MYOM3: variants seen among roughly 807,000 people sequenced by gnomAD.
The protein encoded by MYOM3 is myomesin 3.
MYOM3 carries 155 observed loss-of-function variants against 191.7 expected under a neutral mutation model. The observed-to-expected ratio is 0.81, with a 90% CI of 0.71 to 0.92. The LOEUF (loss-of-function observed/expected upper bound fraction) is 0.92. Ranked by LOEUF, MYOM3 falls within the 40% of genes least tolerant of loss-of-function variation. The pLI, the probability that MYOM3 is intolerant of heterozygous loss-of-function variation, is 0.00. For missense variants in MYOM3, 1,889 were observed against 1,890.6 expected (o/e 1.00, Z 0.02); for synonymous variants, 757 against 762.9 (o/e 0.99, Z 0.13).
intron 1 of MYOM3, 100 bp from the exon 2 acceptor site, chr1:24,108,754 G>A: frequency 1.2e-6 from 1 of 849,958 alleles, no homozygotes; most frequent in African/African-American, 1.8e-5. Context: ...GATGGGGGGT[G>A]GGGGTGTCCT....
chr1:24,108,460 AC>A lies in MYOM3; in HGVS notation c.161+15del. 6.5e-7 allele frequency: 1 copy of A among 1,538,104 alleles called. No individual in the cohort carries two copies. The highest frequency in any genetic ancestry group is 8.8e-7 in the Non-Finnish European group (1 of 1,140,534). On this transcript the variant is annotated intron_variant, in intron 2 of 36. Coordinates refer to ENST00000374434, the MANE Select transcript of MYOM3 (RefSeq NM_152372.4). ...GGAACAGGGCAGTGGCTGGGCGGGG[AC>A]CCTGTGGCTCCCACCTGCTGCGGAA...
In MYOM3 at chr1:24,063,483, G is replaced by A. The variant is rs185685192; in HGVS notation, c.3661+9C>T. 6.2e-7 allele frequency: 1 copy of A among 1,614,144 alleles called. No individual in the cohort carries two copies. On this transcript the variant is annotated intron_variant, in intron 31 of 36. Transcript: ENST00000374434. This position sits in a 1 kb window ranked among gnomAD's most constrained non-coding sequence, Gnocchi z 4.5. ...AGGGCAGGGCTGGGCAAAGAGGCAGGCTGCTTACCACCAATCCTGCCCAAC... is the reference window on the plus strand; with the variant it reads ...AGGGCAGGGCTGGGCAAAGAGGCAGACTGCTTACCACCAATCCTGCCCAAC...
chr1:24,072,967 T>G (rs1643550097), intron 23 of MYOM3, among the ~76,000 whole-genome samples: 1 of 152,214 alleles, frequency 6.6e-6, no homozygotes, highest in Non-Finnish European at 1.5e-5. Flanking sequence ...CCATGCCTCA[T>G]TTTCCCTAGT....
At position 24,099,782 on chromosome 1, in the gene MYOM3, G is replaced by A. The variant is rs747143984; in HGVS notation, c.561-7C>T. On this transcript the variant is annotated splice_polypyrimidine_tract_variant and splice_region_variant and intron_variant, in intron 5 of 36. Transcript: ENST00000374434. ...CCGTGTGTCATTTTTGTACCTGTGG[G>A]GACATAGCGGTCTGTGGCAGGCAGG... 5 of 1,611,356 alleles carry A rather than the reference G, an allele frequency of 3.1e-6. No homozygotes were observed. The highest frequency in any genetic ancestry group is 2.2e-5 in the South Asian group (2 of 91,024).
Position 24,090,937 on chromosome 1 carries a change from C to A in MYOM3, c.1292G>T (p.Arg431Leu). 6.2e-7 allele frequency: 1 copy of A among 1,614,104 alleles called. No individual in the cohort carries two copies. ...ACHEAPGGTC[R>L]CPIQGLVEGQ... ...TTCGACGAGGCCTTGGATTGGGCAC[C>A]GACAAGTCCCTCCGGGGGCCTCATG... is the stretch of plus-strand genomic sequence containing the variant. Residue 431 changes from arginine to leucine, a missense_variant, in exon 12 of 37, where the codon CGG (arginine) becomes CTG (leucine). Transcript: ENST00000374434.
intron 22 of MYOM3, among the ~76,000 whole-genome samples, chr1:24,074,798 C>T (rs1236867695): frequency 3.3e-5 from 5 of 152,156 alleles, no homozygotes; most frequent in Non-Finnish European, 7.3e-5. Flanking sequence ...AAGAACAATG[C>T]CATTGGCTGA....
At chr1:24,095,532 C>T (rs1229681589) in intron 7 of MYOM3, 46 bp from the exon 8 acceptor site, 1 of 1,556,098 alleles carries the variant, frequency 6.4e-7, no homozygotes, top group Non-Finnish European at 8.8e-7. Flanking sequence ...TCAGAGCCCA[C>T]ATTCCTATGC....
rs1232844189 is a variant in MYOM3, at chr1:24,067,973, G to GT, written c.3351dup (p.Gln1118ThrfsTer6). On this transcript the variant is annotated frameshift_variant, in exon 27 of 37. Coordinates refer to ENST00000374434, the MANE Select transcript of MYOM3 (RefSeq NM_152372.4). LOFTEE classifies it high-confidence loss of function. ...ACTTCACCCCAGCAGCTCTTACCCT[G>GT]TTTTCTCTTCCAGTCCCTTCTCTTA... 1 of 1,614,124 alleles carries GT rather than the reference G, an allele frequency of 6.2e-7. No homozygotes were observed. The highest frequency in any genetic ancestry group is 1.7e-5 in the Admixed American group (1 of 60,024).
At chr1:24,059,028 G>A (rs200327091) in intron 35 of MYOM3, 49 bp from the exon 36 acceptor site, 56 of 1,406,800 alleles carry the variant, frequency 4.0e-5, no homozygotes, top group Admixed American at 3.6e-4. Context: ...TCTGCCAGCC[G>A]CTTCCCAGAA....
At chr1:24,081,501 G>A in intron 18 of MYOM3, 45 bp from the exon 19 acceptor site, 1 of 1,602,414 alleles carries the variant, frequency 6.2e-7, no homozygotes, top group Non-Finnish European at 8.5e-7. Flanking sequence ...GCTGGAGGAG[G>A]GATGGGGAAC....
chr1:24,060,188 G>A (rs961842429), intron 35 of MYOM3, among the ~76,000 whole-genome samples: 5 of 152,204 alleles, frequency 3.3e-5, no homozygotes, highest in South Asian at 2.1e-4. Context: ...GAGCCTCCTC[G>A]TGGCCTGAGG....
Position 24,081,983 on chromosome 1 carries a change from G to A in MYOM3, c.2280+18C>T. 1 of 1,598,066 alleles carries A rather than the reference G, an allele frequency of 6.3e-7. No homozygotes were observed. The highest frequency in any genetic ancestry group is 8.5e-7 in the Non-Finnish European group (1 of 1,172,304). The stretch of plus-strand genomic sequence containing the variant: ...TAAACAAGTCATGACACAGGCTGGG[G>A]CCACCTTCCAGCCCTACCTTGCAGA... On this transcript the variant is annotated intron_variant, in intron 18 of 36. Transcript: ENST00000374434.
chr1:24,099,909 C>G, intron 5 of MYOM3, 134 bp from the exon 6 acceptor site: 1 of 673,942 alleles, frequency 1.5e-6, no homozygotes, highest in South Asian at 1.8e-5. Flanking sequence ...GCTTTGTCAC[C>G]CAGGCTGGAG....
chr1:24,061,418 C>G (rs751267630), intron 33 of MYOM3, 109 bp from the exon 34 acceptor site: 82 of 1,084,154 alleles, frequency 7.6e-5, no homozygotes, highest in Admixed American at 3.8e-4. Context: ...CTCCACTCTC[C>G]TCCCCATGCC....
Position 24,107,136 on chromosome 1 carries a change from G to A in MYOM3, c.339C>T (p.Ile113=), listed in dbSNP as rs530106820. 41 of 1,612,400 alleles carry A rather than the reference G, an allele frequency of 2.5e-5. No individual in the cohort carries two copies. Among genetic ancestry groups the A allele is most frequent in the African/African-American group, 5.3e-5 (4 of 75,022 alleles). Residue 113 remains isoleucine, a synonymous_variant, in exon 4 of 37, where the codon ATC becomes ATT. Transcript: ENST00000374434. ...GFGNDWERTE[I]AFLQTHRLLR... ...GCAGCCGGTGGGTCTGCAGGAAGGC[G>A]ATCTCAGTCCTCTCCCAGTCATTGC...
At chr1:24,067,895 C>T in intron 27 of MYOM3, 75 bp downstream of exon 27, 1 of 1,463,148 alleles carries the variant, frequency 6.8e-7, no homozygotes, top group Non-Finnish European at 9.6e-7. Flanking sequence ...CTGGGGTTCC[C>T]ATTAATCCGC....
chr1:24,061,345 G>T, intron 33 of MYOM3, 36 bp from the exon 34 acceptor site: 1 of 1,608,064 alleles, frequency 6.2e-7, no homozygotes, highest in Non-Finnish European at 8.5e-7. Context: ...GGGCCATCAG[G>T]GCCTCTGCTG....
intron 15 of MYOM3, among the ~76,000 whole-genome samples, chr1:24,086,216 C>G (rs1348168034): frequency 6.6e-6 from 1 of 152,098 alleles, no homozygotes; most frequent in Non-Finnish European, 1.5e-5. Flanking sequence ...CCCCGTTATG[C>G]TGCAGGTGAG....
In MYOM3 at chr1:24,106,094, G is replaced by C. The variant is rs1340512257; in HGVS notation, c.403-17C>G. The stretch of plus-strand genomic sequence containing the variant: ...CTCCTCTGTCTGGAGGCGGGAAGAG[G>C]TGTATGACGCTGTGAGCCAGGGACC... On this transcript the variant is annotated splice_polypyrimidine_tract_variant and intron_variant, in intron 4 of 36. Coordinates refer to ENST00000374434, the MANE Select transcript of MYOM3 (RefSeq NM_152372.4). The C allele has an allele frequency of 6.3e-7, 1 of 1,594,302 alleles. No homozygotes were observed.
Sources: allele counts gnomAD v4.1 joint callset (sites outside exome capture counted in the v4.1 genomes callset), GRCh38; gene constraint gnomAD v4.1.1; non-coding constraint Gnocchi (gnomAD v3.1); transcripts MANE v1.5; gene names NCBI Gene and HGNC (gene_info 2026-07-23, HGNC 2026-07-21).